Variants in CCDC142 observed in about 807,000 individuals in gnomAD.
CCDC142 encodes the protein coiled-coil domain-containing protein 142.
Under a neutral mutation model 83.8 loss-of-function variants are expected in CCDC142, and 67 were observed. The observed-to-expected ratio is 0.80, with a 90% confidence interval of 0.66 to 0.98. The LOEUF (loss-of-function observed/expected upper bound fraction) is 0.98. Among genes scored for constraint, CCDC142 ranks in the 50% least tolerant of loss-of-function variants. CCDC142 has a pLI of 0.00. For synonymous variants in CCDC142, 421 were observed against 421.2 expected (o/e 1.00, Z 0.01); for missense variants, 905 against 946.8 (o/e 0.96, Z 0.58).
rs755737627 is a variant in CCDC142, at chr2:74,482,124, G to A, written c.714C>T (p.Leu238=). The part of the protein sequence containing the change: ...RPFPTSRVLR[L]LTGERGCQVA... The stretch of plus-strand genomic sequence containing the variant: ...CCTGGCAACCCCGCTCCCCCGTCAA[G>A]AGGCGGAGCACACGGGACGTGGGGA... Residue 238 remains leucine, a synonymous_variant, in exon 1 of 9, where the codon CTC becomes CTT. Transcript: ENST00000393965. This position sits in a 1 kb window ranked among gnomAD's most constrained non-coding sequence, Gnocchi z 5.0. The A allele has an allele frequency of 1.9e-6, 3 of 1,613,730 alleles. No homozygotes were observed. The highest frequency in any genetic ancestry group is 2.7e-5 in the African/African-American group (2 of 75,074).
rs74705495 is a variant in CCDC142 at position 74,480,308 on chromosome 2, G to A, written c.1503+461C>T. Among the ~76,000 whole-genome samples the A allele has an allele frequency of 2.9e-3, 444 of 152,230 alleles. 1 individual carries two copies. The highest frequency in any genetic ancestry group is 9.9e-3 in the African/African-American group (411 of 41,546). On this transcript the variant is annotated intron_variant, in intron 5 of 8. Coordinates refer to ENST00000393965, the MANE Select transcript of CCDC142 (RefSeq NM_001365575.2). ...TTTTCCATAGTAAAATGTTAAAGGG[G>A]CCAGGCATGGTGGCGCATGCCTGTA...
chr2:74,481,381 G>C lies in CCDC142; in HGVS notation c.1109-9C>G. 1.9e-6 allele frequency: 3 copies of C among 1,614,140 alleles called. No homozygotes were observed. The highest frequency in any genetic ancestry group is 1.7e-6 in the Non-Finnish European group (2 of 1,180,038). ...CAAGGCCTGGCAGAAACCTGAGGATGAGAGAGTATAGTGTGGTGGGGAAGC... is the reference window on the plus strand; with the variant it reads ...CAAGGCCTGGCAGAAACCTGAGGATCAGAGAGTATAGTGTGGTGGGGAAGC... On this transcript the variant is annotated splice_polypyrimidine_tract_variant and intron_variant, in intron 2 of 8. Transcript: ENST00000393965.
intron 5 of CCDC142, among the ~76,000 whole-genome samples, chr2:74,479,714 C>A (rs1338258400): frequency 3.3e-5 from 5 of 152,178 alleles, no homozygotes; most frequent in African/African-American, 1.2e-4. Context: ...TTGCCTCAGC[C>A]TCCCAAGTAG....
rs1035269216 is a variant in CCDC142, at chr2:74,474,204, C to T, written c.*342G>A. The T allele has an allele frequency of 1.1e-5, 2 of 178,636 alleles. No homozygotes were observed. The highest frequency in any genetic ancestry group is 2.1e-4 in the South Asian group (2 of 9,484). 11.1% of individuals were successfully genotyped at this position (178,636 alleles called of 1,614,324 possible). ...GTTCACACCATTCTCCTGCCTCAGC[C>T]TCCCGAGTAGCTGGGACTACAGGCA... On this transcript the variant is annotated 3_prime_UTR_variant, in exon 9 of 9. Coordinates refer to ENST00000393965, the MANE Select transcript of CCDC142 (RefSeq NM_001365575.2).
chr2:74,475,484 T>C (rs1240327765), intron 6 of CCDC142, 82 bp from the exon 7 acceptor site: 13 of 1,488,164 alleles, frequency 8.7e-6, no homozygotes, highest in Non-Finnish European at 1.0e-5. Context: ...AGGGTAGGAT[T>C]TCAGGAGGGA....
In CCDC142 at chr2:74,473,510, C is replaced by T. The variant is rs1023674820; in HGVS notation, c.*1036G>A. ...TAATTTTTTGTATTTTTAGTAGAGG[C>T]GGGGTTTCACCGCGTTAGCCAGGAT... On this transcript the variant is annotated 3_prime_UTR_variant, in exon 9 of 9. Coordinates refer to ENST00000393965, the MANE Select transcript of CCDC142 (RefSeq NM_001365575.2). Among the ~76,000 whole-genome samples the T allele has an allele frequency of 2.6e-5, 4 of 151,964 alleles. No homozygotes were observed. Among genetic ancestry groups the T allele is most frequent in the African/African-American group, 9.7e-5 (4 of 41,386 alleles).
rs1295813234 is a variant in CCDC142, at chr2:74,482,914, G to A, written c.-77C>T. 3 of 1,564,942 alleles carry A rather than the reference G, an allele frequency of 1.9e-6. No individual in the cohort carries two copies. The highest frequency in any genetic ancestry group is 2.6e-6 in the Non-Finnish European group (3 of 1,155,898). On this transcript the variant is annotated 5_prime_UTR_variant, in exon 1 of 9. The change creates a premature stop within an existing upstream ORF in the 5' untranslated region. Transcript: ENST00000393965. This position sits in a 1 kb window ranked among gnomAD's most constrained non-coding sequence, Gnocchi z 5.0. ...CAACGCCCGCCGCAGCTCGGACTTC[G>A]CCCCATCGCAAGAGCCGTTTTCTCC...
chr2:74,472,929 A>C lies in CCDC142; in HGVS notation c.*1617T>G. ...TCATACGACGGTGAAAACCATAAATAAATGGCGCAAAAACCTCTTTGCACG... is the reference window on the plus strand; with the variant it reads ...TCATACGACGGTGAAAACCATAAATCAATGGCGCAAAAACCTCTTTGCACG... On this transcript the variant is annotated 3_prime_UTR_variant, in exon 9 of 9. Transcript: ENST00000393965. 1 of 525,344 alleles carries C rather than the reference A, an allele frequency of 1.9e-6. No homozygotes were observed. The highest frequency in any genetic ancestry group is 3.4e-6 in the Non-Finnish European group (1 of 292,888). 32.5% of individuals were successfully genotyped at this position (525,344 alleles called of 1,614,324 possible).
Position 74,481,846 on chromosome 2 carries a change from G to T in CCDC142, c.992C>A (p.Ala331Glu), listed in dbSNP as rs1558575191. 4 of 1,613,542 alleles carry T rather than the reference G, an allele frequency of 2.5e-6. No homozygotes were observed. The South Asian group carries it at 4.4e-5, about 18-fold the overall frequency. The change falls in exon 1 of 9, where the codon GCG (alanine) becomes GAG (glutamate). Residue 331 changes from alanine to glutamate, a missense_variant. Ala to Glu is a moderately radical substitution (Grantham distance 107). Around this residue, in one of 3 missense-constraint regions of CCDC142, gnomAD observed 591 missense variants for 571.4 expected, o/e 1.03. Coordinates refer to ENST00000393965, the MANE Select transcript of CCDC142 (RefSeq NM_001365575.2). ...LGPWRDPRAT[A>E]QQLSQALGQA... Reference sequence around the variant, plus strand: ...ACCCAGTGCCTGACTCAGCTGTTGCGCTGTTGCCCTGGGGTCCCTCCAGGG... The same window carrying T: ...ACCCAGTGCCTGACTCAGCTGTTGCTCTGTTGCCCTGGGGTCCCTCCAGGG...
chr2:74,481,649 GGTGGAAA>G, intron 1 of CCDC142, 111 bp from the exon 2 acceptor site: 1 of 1,370,096 alleles, frequency 7.3e-7, no homozygotes, highest in African/African-American at 1.4e-5. Context: ...TCGGGACTGG[GGTGGAAA>G]GCAAGACTTT....
Position 74,475,332 on chromosome 2 carries a change from T to A in CCDC142, c.1689A>T (p.Gly563=), listed in dbSNP as rs760210140. ...GGGCTTGAGGTGGCAACCCTTGCAATCCTTGCAACACAGGCTCCAGTACGG... is the reference window on the plus strand; with the variant it reads ...GGGCTTGAGGTGGCAACCCTTGCAAACCTTGCAACACAGGCTCCAGTACGG... ...VRTVLEPVLQ[G]LQGLPPQAQA... The change falls in exon 7 of 9, where the codon GGA becomes GGT. Residue 563 remains glycine, a synonymous_variant. Coordinates refer to ENST00000393965, the MANE Select transcript of CCDC142 (RefSeq NM_001365575.2). 205 of 1,613,476 alleles carry A rather than the reference T, an allele frequency of 1.3e-4. 1 individual carries two copies. The South Asian group carries it at 1.4e-3, about 11-fold the overall frequency.
Position 74,482,188 on chromosome 2 carries a change from C to T in CCDC142, c.650G>A (p.Arg217Lys), listed in dbSNP as rs1336330693. ...CCCTGGGACGTGGCTCAAGGCTTTT[C>T]TCTGTAGTGTGTGGTAGGCGGGAAG... Reference protein sequence around the residue: ...FALPAYHTLQRKALSHVPGAA... With the variant: ...FALPAYHTLQKKALSHVPGAA... The change falls in exon 1 of 9, where the codon AGA becomes AAA. Residue 217 changes from arginine (R) to lysine (K), a missense_variant. Physicochemically the swap from Arg to Lys is conservative, Grantham distance 26. This residue lies in a region of CCDC142 where 591 missense variants were observed against 571.4 expected (regional missense o/e 1.03). Coordinates refer to ENST00000393965, the MANE Select transcript of CCDC142 (RefSeq NM_001365575.2). The surrounding 1 kb of genome is among the most constrained non-coding windows in gnomAD (Gnocchi z 5.0). 6.2e-7 allele frequency: 1 copy of T among 1,613,688 alleles called. No homozygotes were observed.
Position 74,474,583 on chromosome 2 carries a change from G to C in CCDC142, c.2216C>G (p.Pro739Arg). Reference sequence around the variant, plus strand: ...ACTGGTTCCCAGGCAGGAAAAAAACGGCAGGTGCCAACGGGGTCGCTGGTG... The same window carrying C: ...ACTGGTTCCCAGGCAGGAAAAAAACCGCAGGTGCCAACGGGGTCGCTGGTG... ...RQHQRPRWHL[P>R]FFSCLGTSPE... Residue 739 changes from proline (P) to arginine (R), a missense_variant, in exon 9 of 9, where the codon CCG becomes CGG. Pro to Arg is a moderately radical substitution (Grantham distance 103). Transcript: ENST00000393965. 6.2e-7 allele frequency: 1 copy of C among 1,613,860 alleles called. No homozygotes were observed. Among genetic ancestry groups the C allele is most frequent in the Non-Finnish European group, 8.5e-7 (1 of 1,179,896 alleles).
chr2:74,481,748 C>T (rs1017902144), intron 1 of CCDC142, 69 bp downstream of exon 1: 11 of 1,534,852 alleles, frequency 7.2e-6, no homozygotes, highest in Non-Finnish European at 9.7e-6. Flanking sequence ...GATGGCAGGT[C>T]AGTGAGTTGG....
In CCDC142 at chr2:74,481,535, G is replaced by C; in HGVS notation, c.1025C>G (p.Ser342Cys). 1 of 1,614,026 alleles carries C rather than the reference G, an allele frequency of 6.2e-7. No individual in the cohort carries two copies. Among genetic ancestry groups the C allele is most frequent in the Non-Finnish European group, 8.5e-7 (1 of 1,179,904 alleles). ...CTCCTTCTCACACTCCTGAGGCAGG[G>C]ATGCTAGTGGGAGAAATGACTCTGG... The part of the protein sequence containing the change: ...QQLSQALGQA[S>C]LPQECEKELA... The change falls in exon 2 of 9, where the codon TCC (serine) becomes TGC (cysteine). Residue 342 changes from serine (S) to cysteine (C), a missense_variant. This residue lies in a region of CCDC142 where 591 missense variants were observed against 571.4 expected (regional missense o/e 1.03). Transcript: ENST00000393965.
intron 5 of CCDC142, among the ~76,000 whole-genome samples, chr2:74,477,873 G>A (rs1014526942): frequency 6.6e-6 from 1 of 151,978 alleles, no homozygotes; most frequent in South Asian, 2.1e-4. Context: ...GCTCATGCCT[G>A]TAATCCCAGA....
At position 74,482,446 on chromosome 2, in the gene CCDC142, G is replaced by C; in HGVS notation, c.392C>G (p.Ser131Cys). The C allele has an allele frequency of 6.4e-7, 1 of 1,553,486 alleles. No homozygotes were observed. The highest frequency in any genetic ancestry group is 8.7e-7 in the Non-Finnish European group (1 of 1,148,128). ...LMKTLSPGSP[S>C]GGPSPLPQWC... ...CTGGGGCAAGGGGCTAGGGCCGCCGGATGGCGAGCCAGGACTCAGGGTCTT... is the reference window on the plus strand; with the variant it reads ...CTGGGGCAAGGGGCTAGGGCCGCCGCATGGCGAGCCAGGACTCAGGGTCTT... The change falls in exon 1 of 9, where the codon TCC (serine) becomes TGC (cysteine). Residue 131 changes from serine to cysteine, a missense_variant. Ser to Cys is a moderately radical substitution (Grantham distance 112). This residue lies in a region of CCDC142 where 591 missense variants were observed against 571.4 expected (regional missense o/e 1.03). Coordinates refer to ENST00000393965, the MANE Select transcript of CCDC142 (RefSeq NM_001365575.2). The surrounding 1 kb of genome is among the most constrained non-coding windows in gnomAD (Gnocchi z 5.0).
chr2:74,474,582 C>T lies in CCDC142; in HGVS notation c.2217G>A (p.Pro739=), dbSNP rs754402698. 7.9e-5 allele frequency: 128 copies of T among 1,613,636 alleles called. No homozygotes were observed. The highest frequency in any genetic ancestry group is 9.3e-5 in the Non-Finnish European group (110 of 1,179,866). ...RQHQRPRWHL[P]FFSCLGTSPE... ...GACTGGTTCCCAGGCAGGAAAAAAA[C>T]GGCAGGTGCCAACGGGGTCGCTGGT... Residue 739 remains proline, a synonymous_variant, in exon 9 of 9, where the codon CCG becomes CCA. Coordinates refer to ENST00000393965, the MANE Select transcript of CCDC142 (RefSeq NM_001365575.2).
intron 5 of CCDC142, among the ~76,000 whole-genome samples, chr2:74,476,860 GC>G (rs1225481306): frequency 6.6e-6 from 1 of 152,232 alleles, no homozygotes; most frequent in Admixed American, 6.5e-5. Flanking sequence ...CCTGGGGGCG[GC>G]CAGACATGGA....
Sources: gnomAD v4.1 joint callset for allele counts (sites outside exome capture counted in the v4.1 genomes callset) on GRCh38, gnomAD v4.1.1 for gene constraint, gnomAD v4.1.1 regional missense constraint, Gnocchi (gnomAD v3.1) non-coding constraint, MANE v1.5 for transcripts, NCBI Gene and HGNC (gene_info 2026-07-23, HGNC 2026-07-21) for gene names.